ZEB2: variants seen among roughly 807,000 people sequenced by gnomAD.
ZEB2 encodes zinc finger E-box binding homeobox 2, also known as zinc finger E-box-binding homeobox 2.
A neutral mutation model predicts 99.9 loss-of-function variants in ZEB2; 6 were observed. The observed-to-expected ratio is 0.06, with a 90% CI of 0.03 to 0.12. The LOEUF (loss-of-function observed/expected upper bound fraction) is 0.12, where lower values mean the gene tolerates loss of function less well. ZEB2 is among the 10% of genes least tolerant of loss of function. The probability of loss-of-function intolerance (pLI) is 1.00; values close to 1 mark genes in which losing one functional copy is unlikely to be tolerated. For missense variants in ZEB2, 969 were observed against 1,502.8 expected (o/e 0.64, Z 5.87); for synonymous variants, 517 against 542.5 (o/e 0.95, Z 0.65).
intron 2 of ZEB2, among the ~76,000 whole-genome samples, chr2:144,468,599 C>G (rs939150078): frequency 2.0e-5 from 3 of 151,848 alleles, no homozygotes; most frequent in African/African-American, 7.3e-5. Flanking sequence ...AGTCGAATTC[C>G]AACGATGGAG....
At chr2:144,393,779 G>A (rs986933223) in intron 9 of ZEB2, among the ~76,000 whole-genome samples, 1 of 152,200 alleles carries the variant, frequency 6.6e-6, no homozygotes, top group East Asian at 1.9e-4. Flanking sequence ...AAGCCAACAG[G>A]AAGATAATTA....
Position 144,429,862 on chromosome 2 carries a change from G to A in ZEB2, c.238C>T (p.Pro80Ser). The change falls in exon 3 of 10, where the codon CCA becomes TCA. Residue 80 changes from proline (P) to serine (S), a missense_variant. By Grantham distance (74) the Pro-to-Ser change is moderately conservative (BLOSUM62 -1). Coordinates refer to ENST00000627532, the MANE Select transcript of ZEB2 (RefSeq NM_014795.4). ...SSPHVSQALLPREEEEDEIRE... is the reference protein window; with the variant it reads ...SSPHVSQALLSREEEEDEIRE... ...ATTTCATCTTCCTCTTCCTCTCTTG[G>A]CAACAGAGCTTGGCTCACGTGTGGG... is the stretch of plus-strand genomic sequence containing the variant. 6.2e-7 allele frequency: 1 copy of A among 1,613,696 alleles called. No homozygotes were observed. The highest frequency in any genetic ancestry group is 8.5e-7 in the Non-Finnish European group (1 of 1,179,818).
chr2:144,432,485 A>T (rs1363071281), intron 2 of ZEB2, among the ~76,000 whole-genome samples: 1 of 152,158 alleles, frequency 6.6e-6, no homozygotes, highest in Non-Finnish European at 1.5e-5. Flanking sequence ...CAAATGAGAC[A>T]ATCTCATTCT....
chr2:144,468,335 C>A (rs147532608), intron 2 of ZEB2, among the ~76,000 whole-genome samples: 1 of 152,240 alleles, frequency 6.6e-6, no homozygotes, highest in Non-Finnish European at 1.5e-5. Flanking sequence ...AAAAAGCAAA[C>A]TTTAATAATT....
chr2:144,495,450 C>A (rs1477322553), intron 2 of ZEB2: 1 of 152,210 alleles, frequency 6.6e-6, no homozygotes, highest in Non-Finnish European at 1.5e-5. Flanking sequence ...GGAGGCCTTT[C>A]CCGTGTCTTA....
chr2:144,443,525 T>C (rs1188597083), intron 2 of ZEB2, among the ~76,000 whole-genome samples: 3 of 152,200 alleles, frequency 2.0e-5, no homozygotes, highest in Non-Finnish European at 4.4e-5. Flanking sequence ...CCAGAACATA[T>C]TACTGTACAT....
At chr2:144,431,371 TA>T (rs1703767439) in intron 2 of ZEB2, among the ~76,000 whole-genome samples, 1 of 151,744 alleles carries the variant, frequency 6.6e-6, no homozygotes, top group Non-Finnish European at 1.5e-5. Flanking sequence ...TCCCAGGGAG[TA>T]AAAAAGGAAC....
chr2:144,447,400 C>A (rs917949871), intron 2 of ZEB2, among the ~76,000 whole-genome samples: 1 of 152,112 alleles, frequency 6.6e-6, no homozygotes, highest in African/African-American at 2.4e-5. Flanking sequence ...GTCTAACATG[C>A]CTATATATGT....
intron 5 of ZEB2, 105 bp from the exon 6 acceptor site, chr2:144,404,235 A>C: frequency 7.9e-6 from 10 of 1,261,336 alleles, no homozygotes; most frequent in Non-Finnish European, 1.1e-5. Flanking sequence ...AATCACTGCA[A>C]TCTGCTCCAC....
At chr2:144,465,843 A>G (rs1704263700) in intron 2 of ZEB2, among the ~76,000 whole-genome samples, 2 of 152,196 alleles carry the variant, frequency 1.3e-5, no homozygotes, top group African/African-American at 4.8e-5. Flanking sequence ...CTGAGGTTGT[A>G]CCTACAGGAA....
chr2:144,435,972 G>C (rs1445808157), intron 2 of ZEB2, among the ~76,000 whole-genome samples: 1 of 151,338 alleles, frequency 6.6e-6, no homozygotes, highest in Non-Finnish European at 1.5e-5. Context: ...CTCCGTGCTT[G>C]GGTGGGTAAA....
intron 2 of ZEB2, among the ~76,000 whole-genome samples, chr2:144,467,697 A>C (rs546065241): frequency 2.9e-4 from 44 of 152,294 alleles, no homozygotes; most frequent in Non-Finnish European, 5.1e-4. Context: ...CACAGGCATC[A>C]GGAACCAAGT....
Position 144,398,848 on chromosome 2 carries a change from C to G in ZEB2, c.2339G>C (p.Ser780Thr). ...AAGATTTAAGGGAGAAGGAGTATTACTCCTGGAGTGGTCCAATTTTTCAAC... is the reference window on the plus strand; with the variant it reads ...AAGATTTAAGGGAGAAGGAGTATTAGTCCTGGAGTGGTCCAATTTTTCAAC... ...KPVEKLDHSR[S>T]NTPSPLNLSS... Residue 780 changes from serine (S) to threonine (T), a missense_variant, in exon 8 of 10, where the codon AGT becomes ACT. Transcript: ENST00000627532. 1 of 1,614,138 alleles carries G rather than the reference C, an allele frequency of 6.2e-7. No individual in the cohort carries two copies. Among genetic ancestry groups the G allele is most frequent in the Non-Finnish European group, 8.5e-7 (1 of 1,180,016 alleles).
intron 4 of ZEB2, among the ~76,000 whole-genome samples, chr2:144,416,100 C>T (rs912903694): frequency 2.0e-5 from 3 of 152,218 alleles, no homozygotes; most frequent in Non-Finnish European, 2.9e-5. Flanking sequence ...CGCGAACTTT[C>T]GCTCTCTGAT....
chr2:144,513,833 A>G (rs1350346534), intron 2 of ZEB2: 8 of 1,535,026 alleles, frequency 5.2e-6, no homozygotes, highest in Non-Finnish European at 7.0e-6. Context: ...CAGGGGAAAG[A>G]AAAAGGGGGG....
intron 6 of ZEB2, among the ~76,000 whole-genome samples, chr2:144,402,272 A>G (rs1179212252): frequency 6.6e-6 from 1 of 152,162 alleles, no homozygotes; most frequent in East Asian, 1.9e-4. Context: ...AGCAGCAATG[A>G]CACAAAAGCC....
chr2:144,495,501 A>G (rs1704745735), intron 2 of ZEB2: 1 of 152,232 alleles, frequency 6.6e-6, no homozygotes, highest in Non-Finnish European at 1.5e-5. Flanking sequence ...AAGCATGTTT[A>G]CATGTTCACA....
Position 144,404,879 on chromosome 2 carries a change from C to T in ZEB2, c.549G>A (p.Leu183=). Residue 183 remains leucine, a synonymous_variant, in exon 5 of 10, where the codon CTG becomes CTA. Coordinates refer to ENST00000627532, the MANE Select transcript of ZEB2 (RefSeq NM_014795.4). ...TGGCCTCTGGCGTGCCAAGGCGAGA[C>T]AGCTCCTCAGGGGCTTCTGGGTAAA... ...AIIYPEAPEE[L]SRLGTPEANG... 2.5e-6 allele frequency: 4 copies of T among 1,614,212 alleles called. No homozygotes were observed. Among genetic ancestry groups the T allele is most frequent in the South Asian group, 1.1e-5 (1 of 91,076 alleles).
intron 2 of ZEB2, among the ~76,000 whole-genome samples, chr2:144,478,748 C>G (rs1704465977): frequency 6.6e-6 from 1 of 152,196 alleles, no homozygotes; most frequent in African/African-American, 2.4e-5. Context: ...TGCAAAATAT[C>G]TATGCTCTCT....
Sources: gnomAD v4.1 joint callset for allele counts (sites outside exome capture counted in the v4.1 genomes callset) on GRCh38, gnomAD v4.1.1 for gene constraint, MANE v1.5 for transcripts, NCBI Gene and HGNC (gene_info 2026-07-23, HGNC 2026-07-21) for gene names.